Variants in PLCB1 observed in about 807,000 individuals in gnomAD.
PLCB1 encodes the protein phospholipase C beta 1.
Under a neutral mutation model 161.8 loss-of-function variants are expected in PLCB1, and 46 were observed. That is an observed-to-expected ratio of 0.28 (90% CI 0.22 to 0.36). The LOEUF is 0.36. Ranked by LOEUF, PLCB1 falls within the 10% of genes least tolerant of loss-of-function variation. The pLI, the probability that PLCB1 is intolerant of heterozygous loss-of-function variation, is 1.00. For synonymous variants in PLCB1, 517 were observed against 503.7 expected (o/e 1.03, Z -0.35); for missense variants, 1,016 against 1,472.5 (o/e 0.69, Z 5.07).
intron 2 of PLCB1, among the ~76,000 whole-genome samples, chr20:8,260,541 C>G (rs368386884): frequency 2.8e-4 from 43 of 152,224 alleles, no homozygotes; most frequent in African/African-American, 1.0e-3. Context: ...TGGGGCCTAA[C>G]AGGACCACTT....
intron 2 of PLCB1, among the ~76,000 whole-genome samples, chr20:8,343,698 C>T (rs1985896176): frequency 6.6e-6 from 1 of 152,166 alleles, no homozygotes; most frequent in African/African-American, 2.4e-5. Flanking sequence ...CAGAGGCCTG[C>T]CCCTCTGGTT....
At chr20:8,721,476 T>C (rs561178250) in intron 14 of PLCB1, among the ~76,000 whole-genome samples, 1 of 152,366 alleles carries the variant, frequency 6.6e-6, no homozygotes, top group Admixed American at 6.5e-5. Flanking sequence ...AAGAATGTAA[T>C]GCTTCATACT....
chr20:8,707,443 A>C (rs1476218580), intron 11 of PLCB1, among the ~76,000 whole-genome samples: 1 of 151,776 alleles, frequency 6.6e-6, no homozygotes, highest in Admixed American at 6.6e-5. Context: ...TGAAAGTGAT[A>C]TAATTAAACA....
At chr20:8,621,336 G>T (rs926852145) in intron 3 of PLCB1, among the ~76,000 whole-genome samples, 5 of 151,960 alleles carry the variant, frequency 3.3e-5, no homozygotes, top group South Asian at 2.1e-4. Flanking sequence ...AAGACTGGGG[G>T]GATAGTTTAA....
chr20:8,235,787 A>G (rs1323589129), intron 2 of PLCB1, among the ~76,000 whole-genome samples: 5 of 152,118 alleles, frequency 3.3e-5, no homozygotes, highest in Admixed American at 3.3e-4. Flanking sequence ...AAATACTTTT[A>G]TAAAATGAGA....
intron 3 of PLCB1, among the ~76,000 whole-genome samples, chr20:8,397,085 AT>A (rs985959092): frequency 9.2e-5 from 14 of 152,004 alleles, no homozygotes; most frequent in African/African-American, 3.4e-4. Flanking sequence ...TTTCTTCCTC[AT>A]TTCCTCTTCT....
chr20:8,603,139 C>G (rs1444763602), intron 3 of PLCB1, among the ~76,000 whole-genome samples: 1 of 152,200 alleles, frequency 6.6e-6, no homozygotes, highest in Non-Finnish European at 1.5e-5. Flanking sequence ...ATAAATTCTA[C>G]TTTCTCTCAA....
At chr20:8,336,254 G>C (rs1390593893) in intron 2 of PLCB1, among the ~76,000 whole-genome samples, 1 of 152,174 alleles carries the variant, frequency 6.6e-6, no homozygotes, top group Non-Finnish European at 1.5e-5. Context: ...AAGATTATCT[G>C]TGTAAACCGA....
At chr20:8,247,803 C>T (rs1194337418) in intron 2 of PLCB1, among the ~76,000 whole-genome samples, 1 of 151,886 alleles carries the variant, frequency 6.6e-6, no homozygotes, top group Admixed American at 6.6e-5. Flanking sequence ...CTTGTGCAGA[C>T]GTCCTTGTGT....
At chr20:8,742,094 T>G (rs1980910950) in intron 23 of PLCB1, among the ~76,000 whole-genome samples, 1 of 152,168 alleles carries the variant, frequency 6.6e-6, no homozygotes, top group South Asian at 2.1e-4. Flanking sequence ...AATTGATATA[T>G]TATTCCAAAT....
rs530722697 is a variant in PLCB1 at position 8,294,230 on chromosome 20, C to T, written c.178-77152C>T. On this transcript the variant is annotated intron_variant, in intron 2 of 31. Transcript: ENST00000338037. ...AAATGATATTCTCCTTCCTGACTTC[C>T]CACAATGACATACAGTTTTTCTTCC... Among the ~76,000 whole-genome samples, 26 of 152,164 alleles carry T rather than the reference C, an allele frequency of 1.7e-4. No homozygotes were observed. In the South Asian group the frequency reaches 3.5e-3, roughly 21 times the overall value.
chr20:8,533,048 G>A (rs926874591), intron 3 of PLCB1, among the ~76,000 whole-genome samples: 81 of 135,716 alleles, frequency 6.0e-4, no homozygotes, highest in African/African-American at 2.0e-3. Flanking sequence ...AGAGTGTGAT[G>A]TTCCCCTTCC....
At chr20:8,561,069 G>C (rs527444231) in intron 3 of PLCB1, among the ~76,000 whole-genome samples, 2 of 151,942 alleles carry the variant, frequency 1.3e-5, no homozygotes, top group East Asian at 3.9e-4. Context: ...GTCCTATCTA[G>C]AAGCCAGATG....
rs115708999 is a variant in PLCB1 at position 8,748,172 on chromosome 20, G to A, written c.2523+6599G>A. On this transcript the variant is annotated intron_variant, in intron 23 of 31. Coordinates refer to ENST00000338037, the MANE Select transcript of PLCB1 (RefSeq NM_015192.4). ...GCATCCAATACAGTAAAAAGAAAAG[G>A]TTTTCCTTTAAATAGTGATGCTATC... Among the ~76,000 whole-genome samples, 755 of 152,152 alleles carry A rather than the reference G, an allele frequency of 5.0e-3. 8 individuals carry two copies. The highest frequency in any genetic ancestry group is 0.017 in the African/African-American group (718 of 41,502).
At chr20:8,225,828 G>A (rs761502535) in intron 2 of PLCB1, among the ~76,000 whole-genome samples, 3 of 152,338 alleles carry the variant, frequency 2.0e-5, no homozygotes, top group South Asian at 2.1e-4. Flanking sequence ...CAGCTGACAC[G>A]ATTAGGTGTT....
intron 2 of PLCB1, among the ~76,000 whole-genome samples, chr20:8,268,068 T>G (rs1982070570): frequency 1.3e-5 from 2 of 152,042 alleles, no homozygotes; most frequent in African/African-American, 4.8e-5. Context: ...CTGCACCCAT[T>G]AACTCATCAT....
intron 17 of PLCB1, 119 bp from the exon 18 acceptor site, chr20:8,728,931 C>T (rs1337617571): frequency 3.1e-5 from 18 of 580,578 alleles, no homozygotes; most frequent in Non-Finnish European, 4.3e-5. Flanking sequence ...AGTAGCCCAA[C>T]GAGATCATCA....
intron 3 of PLCB1, among the ~76,000 whole-genome samples, chr20:8,540,559 C>G (rs1057029227): frequency 6.6e-6 from 1 of 152,148 alleles, no homozygotes; most frequent in East Asian, 1.9e-4. Context: ...TTCACACAAA[C>G]CTTCCTGCCA....
chr20:8,306,578 T>A (rs1024538187), intron 2 of PLCB1, among the ~76,000 whole-genome samples: 3 of 152,220 alleles, frequency 2.0e-5, no homozygotes, highest in African/African-American at 7.2e-5. Context: ...TGAGATGTCT[T>A]TGGAATCAAG....
Sources: gnomAD v4.1 joint callset for allele counts (sites outside exome capture counted in the v4.1 genomes callset) on GRCh38, gnomAD v4.1.1 for gene constraint, MANE v1.5 for transcripts, NCBI Gene and HGNC (gene_info 2026-07-23, HGNC 2026-07-21) for gene names.